SERPINE2: variants seen among roughly 807,000 people sequenced by gnomAD.
The protein encoded by SERPINE2 is glia-derived nexin.
Under a neutral mutation model 36.3 loss-of-function variants are expected in SERPINE2, and 14 were observed. The ratio of observed to expected loss-of-function variants is 0.39; its 90% CI spans 0.25 to 0.60. The LOEUF is 0.60. SERPINE2 is among the 20% of genes least tolerant of loss of function. SERPINE2 has a pLI of 0.57. For synonymous variants in SERPINE2, 192 were observed against 191.8 expected, an observed-to-expected ratio of 1.00 and a Z score of -0.01; for missense variants, 418 against 499.6, an observed-to-expected ratio of 0.84 and a Z score of 1.56.
intron 1 of SERPINE2, among the ~76,000 whole-genome samples, chr2:224,006,545 T>C (rs530797559): frequency 4.6e-5 from 7 of 152,266 alleles, no homozygotes; most frequent in African/African-American, 1.7e-4. Context: ...GCCTGTCTCA[T>C]TTTAGTTGTT....
In SERPINE2 at chr2:224,031,474, G is replaced by A. The variant is rs1042308255; in HGVS notation, c.-23+7625C>T. On this transcript the variant is annotated intron_variant, in intron 1 of 8. Transcript: ENST00000409304. ...CTCCACTCCCTTTCCTCCTAACCAAGGATTGACCATGTGATTTGGGATTCA... is the reference window on the plus strand; with the variant it reads ...CTCCACTCCCTTTCCTCCTAACCAAAGATTGACCATGTGATTTGGGATTCA... The A allele has an allele frequency of 6.1e-6, 6 of 985,400 alleles. No individual in the cohort carries two copies. In the African/African-American group the frequency reaches 7.0e-5, roughly 11 times the overall value. The allele number at this position is 985,400 out of a possible 1,614,324, so 61.0% of individuals were successfully genotyped here.
intron 1 of SERPINE2, among the ~76,000 whole-genome samples, chr2:224,034,565 A>G (rs1374697812): frequency 2.0e-5 from 3 of 152,188 alleles, no homozygotes; most frequent in Admixed American, 6.5e-5. Flanking sequence ...CACTGTGGAA[A>G]GTTCCCTGGC....
intron 1 of SERPINE2, among the ~76,000 whole-genome samples, chr2:224,026,396 C>T (rs191782930): frequency 6.6e-6 from 1 of 152,328 alleles, no homozygotes; most frequent in African/African-American, 2.4e-5. Context: ...TATTCAATTT[C>T]TTTGCCTCTC....
At chr2:224,012,954 A>C (rs1392312792) in intron 1 of SERPINE2, among the ~76,000 whole-genome samples, 1 of 152,208 alleles carries the variant, frequency 6.6e-6, no homozygotes, top group Non-Finnish European at 1.5e-5. Context: ...TTTTATATAC[A>C]CTAAGATGAA....
chr2:223,991,317 C>A (rs925140883), intron 4 of SERPINE2, among the ~76,000 whole-genome samples: 4 of 152,200 alleles, frequency 2.6e-5, no homozygotes, highest in Admixed American at 2.0e-4. Context: ...AGTCCTCGGA[C>A]CACAGATCCC....
chr2:223,992,597 C>G (rs1473492347), intron 3 of SERPINE2, among the ~76,000 whole-genome samples: 1 of 152,056 alleles, frequency 6.6e-6, no homozygotes, highest in African/African-American at 2.4e-5. Flanking sequence ...AGAAAGGAAA[C>G]AAAAAATCAG....
intron 1 of SERPINE2, among the ~76,000 whole-genome samples, chr2:224,035,474 C>A (rs1176869905): frequency 6.6e-6 from 1 of 152,138 alleles, no homozygotes; most frequent in African/African-American, 2.4e-5. Flanking sequence ...CCTCTGCCTC[C>A]CGGGTTCAAG....
At chr2:224,007,934 T>C (rs576473332) in intron 1 of SERPINE2, among the ~76,000 whole-genome samples, 10 of 152,260 alleles carry the variant, frequency 6.6e-5, no homozygotes, top group Non-Finnish European at 1.3e-4. Flanking sequence ...CTACGGCCCA[T>C]GGGCCAGATC....
intron 1 of SERPINE2, among the ~76,000 whole-genome samples, chr2:224,019,113 C>CGTATT (rs1691901509): frequency 6.6e-6 from 1 of 152,160 alleles, no homozygotes; most frequent in Non-Finnish European, 1.5e-5. Flanking sequence ...TTCTAAGACC[C>CGTATT]TCAGTGGATG....
intron 1 of SERPINE2, chr2:224,031,238 A>C: frequency 2.1e-6 from 2 of 956,118 alleles, no homozygotes; most frequent in Non-Finnish European, 2.4e-6. Flanking sequence ...AGGGTGTGCC[A>C]CTTTGGCATA....
At chr2:223,987,006 C>T (rs1466579935) in intron 4 of SERPINE2, among the ~76,000 whole-genome samples, 1 of 152,120 alleles carries the variant, frequency 6.6e-6, no homozygotes, top group East Asian at 1.9e-4. Context: ...TCAAGTACTG[C>T]ATCCTTTTAT....
intron 1 of SERPINE2, among the ~76,000 whole-genome samples, chr2:224,012,533 G>A (rs189877791): frequency 0.015 from 2,285 of 151,012 alleles, 68 homozygotes; most frequent in African/African-American, 0.054. Context: ...AACCCAGGAG[G>A]CAGAGCTTGC....
intron 1 of SERPINE2, among the ~76,000 whole-genome samples, chr2:224,004,400 T>C (rs1018631597): frequency 6.6e-6 from 1 of 152,230 alleles, no homozygotes; most frequent in African/African-American, 2.4e-5. Flanking sequence ...CAGAGCTTCA[T>C]TGTAAAACAA....
At chr2:224,027,400 T>G (rs1692221872) in intron 1 of SERPINE2, among the ~76,000 whole-genome samples, 1 of 152,058 alleles carries the variant, frequency 6.6e-6, no homozygotes, top group South Asian at 2.1e-4. Context: ...GCTCTCCTGG[T>G]GTCCTGTCCT....
intron 1 of SERPINE2, among the ~76,000 whole-genome samples, chr2:224,005,074 TA>T (rs376466751): frequency 0.4 from 26,640 of 66,314 alleles, 3,550 homozygotes; most frequent in Non-Finnish European, 0.46. Context: ...ATTATATATA[TA>T]TATATATATA....
At chr2:223,986,897 T>C (rs1331397351) in intron 4 of SERPINE2, among the ~76,000 whole-genome samples, 4 of 152,114 alleles carry the variant, frequency 2.6e-5, no homozygotes, top group African/African-American at 7.2e-5. Flanking sequence ...TGACCAGTGG[T>C]AGCCAGGGTG....
At chr2:223,980,464 G>T in intron 6 of SERPINE2, 67 bp from the exon 7 acceptor site, 1 of 1,387,134 alleles carries the variant, frequency 7.2e-7, no homozygotes, top group Non-Finnish European at 1.0e-6. Flanking sequence ...GGTTGGGGAA[G>T]TAACCTCAAA....
rs76598097 is a variant in SERPINE2, at chr2:223,989,724, G to A, written c.685+2079C>T. Among the ~76,000 whole-genome samples, 637 of 152,292 alleles carry A rather than the reference G, an allele frequency of 4.2e-3. 2 individuals carry two copies. Among genetic ancestry groups the A allele is most frequent in the African/African-American group, 0.015 (605 of 41,556 alleles). ...ATGACAGGCATGGAAAGGAGGGTGA[G>A]AAGGGTGAGCTAAGCTGTTCGCCGT... On this transcript the variant is annotated intron_variant, in intron 4 of 8. Transcript: ENST00000409304.
chr2:224,036,642 TAAA>T (rs59322455), intron 1 of SERPINE2, among the ~76,000 whole-genome samples: 4,376 of 142,710 alleles, frequency 0.031, 179 homozygotes, highest in African/African-American at 0.092. Context: ...TAATAAAAAT[TAAA>T]AAAAAAAAAA....
Sources: gnomAD v4.1 joint callset for allele counts (sites outside exome capture counted in the v4.1 genomes callset) on GRCh38, gnomAD v4.1.1 for gene constraint, MANE v1.5 for transcripts, NCBI Gene and HGNC (gene_info 2026-07-23, HGNC 2026-07-21) for gene names.